Variants in LMTK3 observed in about 807,000 individuals in gnomAD.
LMTK3 encodes the protein lemur tail kinase 3, also known as serine/threonine-protein kinase LMTK3.
LMTK3 carries 27 observed loss-of-function variants against 116.7 expected under a neutral mutation model. The observed-to-expected ratio is 0.23, with a 90% CI of 0.17 to 0.32. LMTK3 has a LOEUF of 0.32. Among genes scored for constraint, LMTK3 ranks in the 10% least tolerant of loss-of-function variants. The pLI is 1.00. For missense variants in LMTK3, 1,764 were observed against 2,068.5 expected (o/e 0.85, Z 2.86); for synonymous variants, 965 against 971.0 (o/e 0.99, Z 0.11).
chr19:48,513,389 C>T (rs1252654718), upstream of LMTK3: 3 of 587,860 alleles, frequency 5.1e-6, no homozygotes, highest in Admixed American at 5.8e-5. The surrounding 1 kb of genome is among the most constrained non-coding windows in gnomAD (Gnocchi z 5.6). Flanking sequence ...GTCACCTGCC[C>T]CAAGGCACAC....
upstream of LMTK3, chr19:48,513,146 C>T (rs550560628): frequency 5.6e-6 from 9 of 1,601,498 alleles, no homozygotes; most frequent in East Asian, 4.5e-5. This position sits in a 1 kb window ranked among gnomAD's most constrained non-coding sequence, Gnocchi z 5.6. Context: ...CCACGTTTCC[C>T]GTGCGGTTAC....
intron 7 of LMTK3, 76 bp downstream of exon 7, chr19:48,502,357 T>A: frequency 1.8e-5 from 24 of 1,364,230 alleles, no homozygotes; most frequent in East Asian, 2.4e-5. Context: ...GCCCCCCCTC[T>A]AGCCCCTCCC....
At position 48,489,488 on chromosome 19, in the gene LMTK3, G is replaced by T. The variant is rs540467723; in HGVS notation, c.4366+1620C>A. Among the ~76,000 whole-genome samples, 8 of 152,194 alleles carry T rather than the reference G, an allele frequency of 5.3e-5. No homozygotes were observed. In the South Asian group the frequency reaches 1.7e-3, roughly 32 times the overall value. On this transcript the variant is annotated intron_variant, in intron 14 of 14. Coordinates refer to ENST00000600059, the MANE Select transcript of LMTK3 (RefSeq NM_001388485.1). ...CTCAGGAGGCTGAGGCAGGAGAATC[G>T]CTTGAACCCGGGAGGTGGAGGTTGC... is the stretch of plus-strand genomic sequence containing the variant.
At chr19:48,493,592 C>G in intron 12 of LMTK3, 102 bp downstream of exon 12, 1 of 1,421,636 alleles carries the variant, frequency 7.0e-7, no homozygotes. Context: ...CTCCAGGCCC[C>G]GCCCAACTCT....
Position 48,511,442 on chromosome 19 carries a change from C to G in LMTK3, c.76+59G>C, listed in dbSNP as rs555291662. 12 of 737,244 alleles carry G rather than the reference C, an allele frequency of 1.6e-5. No homozygotes were observed. In the South Asian group the frequency reaches 2.5e-4, roughly 16 times the overall value. The allele number at this position is 737,244 out of a possible 1,614,324, so 45.7% of individuals were successfully genotyped here. A position where few individuals can be genotyped will look rare whatever the true frequency, so the allele number is the denominator to read the frequency against. Reference sequence around the variant, plus strand: ...ACCCGCAGACAGACCCCTGGGCAGACAGCGAGGCCGCCGCGGGGGTGGGGG... The same window carrying G: ...ACCCGCAGACAGACCCCTGGGCAGAGAGCGAGGCCGCCGCGGGGGTGGGGG... On this transcript the variant is annotated intron_variant, in intron 1 of 14. Transcript: ENST00000600059.
chr19:48,500,905 G>A lies in LMTK3; in HGVS notation c.1151+91C>T. 7.7e-7 allele frequency: 1 copy of A among 1,300,474 alleles called. No homozygotes were observed. Among genetic ancestry groups the A allele is most frequent in the Non-Finnish European group, 1.0e-6 (1 of 969,538 alleles). 80.6% of individuals were successfully genotyped at this position (1,300,474 alleles called of 1,614,324 possible). On this transcript the variant is annotated intron_variant, in intron 10 of 14. Transcript: ENST00000600059. This position sits in a 1 kb window ranked among gnomAD's most constrained non-coding sequence, Gnocchi z 4.0. ...CTTGAGGGGTATGGAGGGCAAACGG[G>A]ATGTGGGTGATGTGGGAAACGAGGG...
chr19:48,495,455 C>T (rs1972307744), intron 11 of LMTK3, among the ~76,000 whole-genome samples: 1 of 152,180 alleles, frequency 6.6e-6, no homozygotes, highest in African/African-American at 2.4e-5. Flanking sequence ...CCATTCTCTG[C>T]CTCTTTTCAC....
Position 48,491,181 on chromosome 19 carries a change from G to T in LMTK3, c.4293C>A (p.Phe1431Leu). The T allele has an allele frequency of 7.4e-7, 1 of 1,350,816 alleles. No individual in the cohort carries two copies. Among genetic ancestry groups the T allele is most frequent in the East Asian group, 3.1e-5 (1 of 32,124 alleles). The allele number at this position is 1,350,816 out of a possible 1,614,324, so 83.7% of individuals were successfully genotyped here. The change falls in exon 14 of 15, where the codon TTC becomes TTA. Residue 1431 changes from phenylalanine to leucine, a missense_variant. Phe to Leu is a conservative substitution (Grantham distance 22). Transcript: ENST00000600059. This position sits in a 1 kb window ranked among gnomAD's most constrained non-coding sequence, Gnocchi z 5.1. ...GCGCAGGCGAGACGGAGAAGCGGGA[G>T]AAGCACAGCGGGGGGCCTGGAGGGG... Reference protein sequence around the residue: ...LLPPPGPPLCFSRFSVSPALE... With the variant: ...LLPPPGPPLCLSRFSVSPALE...
rs1972380082 is a variant in LMTK3 at position 48,498,478 on chromosome 19, A to C, written c.2591T>G (p.Met864Arg). 1.9e-6 allele frequency: 3 copies of C among 1,600,544 alleles called. No individual in the cohort carries two copies. Among genetic ancestry groups the C allele is most frequent in the Admixed American group, 1.7e-5 (1 of 58,360 alleles). The part of the protein sequence containing the change: ...VVQVSTEQLL[M>R]SLREDVTRNL... ...CCTTGTCACATCCTCCCGCAGGGAC[A>C]TCAGCAGCTGTTCCGTGCTCACTTG... Residue 864 changes from methionine to arginine, a missense_variant, in exon 11 of 15, where the codon ATG becomes AGG. By Grantham distance (91) the Met-to-Arg change is moderately conservative. Coordinates refer to ENST00000600059, the MANE Select transcript of LMTK3 (RefSeq NM_001388485.1).
intron 14 of LMTK3, among the ~76,000 whole-genome samples, chr19:48,486,120 C>A (rs375743417): frequency 8.2e-6 from 1 of 122,032 alleles, no homozygotes; most frequent in African/African-American, 3.4e-5. Flanking sequence ...AGTGCAGTGG[C>A]GCGATCTCGG....
upstream of LMTK3, chr19:48,513,372 C>A (rs1972692321): frequency 1.6e-6 from 1 of 612,220 alleles, no homozygotes; most frequent in South Asian, 1.9e-5. This position sits in a 1 kb window ranked among gnomAD's most constrained non-coding sequence, Gnocchi z 5.6. Context: ...AGGCACAGCG[C>A]GGGGTAGTCA....
chr19:48,510,265 T>C, intron 2 of LMTK3, 92 bp from the exon 3 acceptor site: 1 of 1,483,320 alleles, frequency 6.7e-7, no homozygotes, highest in South Asian at 1.3e-5. Flanking sequence ...CCTTCATTTT[T>C]GTAACTGTCT....
At position 48,501,161 on chromosome 19, in the gene LMTK3, A is replaced by G. The variant is rs377731842; in HGVS notation, c.1002-16T>C. ...CCCCAGGGACCTGCAGAGAGCAGAG[A>G]GAGGTCAGAGCCCAGCCCTGACCCA... is the stretch of plus-strand genomic sequence containing the variant. On this transcript the variant is annotated splice_polypyrimidine_tract_variant and intron_variant, in intron 9 of 14. Coordinates refer to ENST00000600059, the MANE Select transcript of LMTK3 (RefSeq NM_001388485.1). 1.3e-4 allele frequency: 216 copies of G among 1,610,612 alleles called. 1 individual carries two copies. The African/African-American group carries it at 2.7e-3, about 20-fold the overall frequency.
In LMTK3 at chr19:48,497,309, C is replaced by A; in HGVS notation, c.3676+84G>T. The A allele has an allele frequency of 7.4e-7, 1 of 1,357,822 alleles. No homozygotes were observed. Among genetic ancestry groups the A allele is most frequent in the Non-Finnish European group, 9.6e-7 (1 of 1,043,644 alleles). 84.1% of individuals were successfully genotyped at this position (1,357,822 alleles called of 1,614,324 possible). A position where few individuals can be genotyped will look rare whatever the true frequency, so the allele number is the denominator to read the frequency against. ...CTGCATTCATCACTGCCAGCCCGACCCGACATGTTTACCCACACTCACCCT... is the reference window on the plus strand; with the variant it reads ...CTGCATTCATCACTGCCAGCCCGACACGACATGTTTACCCACACTCACCCT... On this transcript the variant is annotated intron_variant, in intron 11 of 14. Transcript: ENST00000600059. This position sits in a 1 kb window ranked among gnomAD's most constrained non-coding sequence, Gnocchi z 5.7.
Position 48,485,615 on chromosome 19 carries a change from C to T in LMTK3, c.*158G>A, listed in dbSNP as rs1219478467. Reference sequence around the variant, plus strand: ...TGGGGGGCGGGGGCCCGGGGCCTCCCGTTTGGCACATGGTAGGGGAGTGGG... The same window carrying T: ...TGGGGGGCGGGGGCCCGGGGCCTCCTGTTTGGCACATGGTAGGGGAGTGGG... On this transcript the variant is annotated 3_prime_UTR_variant, in exon 15 of 15. Coordinates refer to ENST00000600059, the MANE Select transcript of LMTK3 (RefSeq NM_001388485.1). 5.0e-5 allele frequency: 37 copies of T among 743,428 alleles called. No homozygotes were observed. Among genetic ancestry groups the T allele is most frequent in the African/African-American group, 4.2e-5 (2 of 47,694 alleles). The allele number at this position is 743,428 out of a possible 1,614,324, so 46.1% of individuals were successfully genotyped here.
intron 10 of LMTK3, 31 bp from the exon 11 acceptor site, chr19:48,499,948 C>A: frequency 6.5e-7 from 1 of 1,546,292 alleles, no homozygotes; most frequent in East Asian, 2.3e-5. Context: ...GTGAGCAGGG[C>A]AGAGACCCAG....
At chr19:48,503,765 G>T (rs895291168) in intron 5 of LMTK3, among the ~76,000 whole-genome samples, 1 of 151,866 alleles carries the variant, frequency 6.6e-6, no homozygotes, top group African/African-American at 2.4e-5. Flanking sequence ...CCTTGCTTAG[G>T]CCCGGGCCTT....
rs764620005 is a variant in LMTK3, at chr19:48,502,939, C to T, written c.615G>A (p.Pro205=). 5 of 1,612,916 alleles carry T rather than the reference C, an allele frequency of 3.1e-6. No homozygotes were observed. The highest frequency in any genetic ancestry group is 2.2e-5 in the South Asian group (2 of 90,902). Residue 205 remains proline (P), a synonymous_variant, in exon 6 of 15, where the codon CCG becomes CCA. Coordinates refer to ENST00000600059, the MANE Select transcript of LMTK3 (RefSeq NM_001388485.1). Reference sequence around the variant, plus strand: ...GACAGAACTCCATAATCAGCAGAAACGGCAGCGTCTCCACGCACAGACCCA... The same window carrying T: ...GACAGAACTCCATAATCAGCAGAAATGGCAGCGTCTCCACGCACAGACCCA... ...QCLGLCVETL[P]FLLIMEFCQL... is the part of the protein sequence containing the mutation.
chr19:48,501,902 C>G (rs936400963), intron 7 of LMTK3, among the ~76,000 whole-genome samples: 11 of 149,484 alleles, frequency 7.4e-5, no homozygotes, highest in Non-Finnish European at 7.4e-5. Flanking sequence ...TCCCCCTCAC[C>G]TGGCTCCTTC....
Sources: allele counts gnomAD v4.1 joint callset (sites outside exome capture counted in the v4.1 genomes callset), GRCh38; gene constraint gnomAD v4.1.1; non-coding constraint Gnocchi (gnomAD v3.1); transcripts MANE v1.5; gene names NCBI Gene and HGNC (gene_info 2026-07-23, HGNC 2026-07-21).